Variants in TENM2 observed in about 807,000 individuals in gnomAD.
TENM2 encodes the protein teneurin-2.
TENM2 carries 52 observed loss-of-function variants against 245.2 expected under a neutral mutation model. That is an observed-to-expected ratio of 0.21 (90% CI 0.17 to 0.27). The LOEUF (loss-of-function observed/expected upper bound fraction) is 0.27, where lower values mean the gene tolerates loss of function less well. TENM2 is among the 10% of genes least tolerant of loss of function. TENM2 has a pLI of 1.00. For missense variants in TENM2, 3,046 were observed against 3,666.8 expected (o/e 0.83, Z 4.37); for synonymous variants, 1,363 against 1,438.9 (o/e 0.95, Z 1.19).
intron 4 of TENM2, among the ~76,000 whole-genome samples, chr5:167,986,500 C>T (rs1320326892): frequency 1.3e-5 from 2 of 152,050 alleles, no homozygotes; most frequent in African/African-American, 2.4e-5. Flanking sequence ...GTGAGCTCCT[C>T]TTTTATTTTT....
intron 6 of TENM2, among the ~76,000 whole-genome samples, chr5:168,049,093 T>C (rs1341283482): frequency 6.6e-6 from 1 of 152,218 alleles, no homozygotes; most frequent in Non-Finnish European, 1.5e-5. Flanking sequence ...ATAGCATTTT[T>C]GCACCCCTAG....
chr5:168,204,725 T>C (rs1462553792), intron 19 of TENM2, 104 bp downstream of exon 21: 6 of 1,433,382 alleles, frequency 4.2e-6, no homozygotes, highest in Admixed American at 2.1e-5. Flanking sequence ...AGAGAAGATA[T>C]AGTCCTTGTG....
intron 3 of TENM2, among the ~76,000 whole-genome samples, chr5:167,927,255 T>C (rs1309678133): frequency 1.3e-5 from 2 of 152,184 alleles, no homozygotes; most frequent in Non-Finnish European, 2.9e-5. Context: ...AAGTCAAAAA[T>C]CTCTATGCCA....
intron 2 of TENM2, among the ~76,000 whole-genome samples, chr5:167,546,545 A>G (rs1014684093): frequency 6.6e-6 from 1 of 152,218 alleles, no homozygotes; most frequent in Non-Finnish European, 1.5e-5. Context: ...TGAACTGAAC[A>G]TTAAAGTGAC....
exon 29 of TENM2, chr5:168,262,982 A>G (rs1335687078): frequency 3.3e-6 from 2 of 608,300 alleles, no homozygotes; most frequent in Non-Finnish European, 5.6e-6. Flanking sequence ...CCAAGCGAGA[A>G]GTCCCTCATC....
the TENM2 span, among the ~76,000 whole-genome samples, chr5:167,184,517 G>A: frequency 6.6e-6 from 1 of 152,134 alleles, no homozygotes; most frequent in East Asian, 1.9e-4. Flanking sequence ...TCAATATCAT[G>A]TCAGAGCACT....
rs28625454 is a variant in TENM2, at chr5:168,199,539, G to A, written c.3163-325G>A. On this transcript the variant is annotated intron_variant, in intron 16 of 28. Coordinates refer to ENST00000518659, the Ensembl canonical transcript of TENM2. ...TAGGTTCGTATAATTACAGCCTCTCGTGGCCTCCTTGCATGCAGCTAGCAA... is the reference window on the plus strand; with the variant it reads ...TAGGTTCGTATAATTACAGCCTCTCATGGCCTCCTTGCATGCAGCTAGCAA... Among the ~76,000 whole-genome samples the A allele has an allele frequency of 1.8e-3, 277 of 152,276 alleles. 3 individuals carry two copies. Among genetic ancestry groups the A allele is most frequent in the African/African-American group, 6.5e-3 (270 of 41,562 alleles).
the TENM2 span, among the ~76,000 whole-genome samples, chr5:167,180,832 G>C: frequency 2.6e-5 from 4 of 151,956 alleles, no homozygotes; most frequent in African/African-American, 9.7e-5. Flanking sequence ...AAGCCTAGGA[G>C]GGGGAGAAAG....
chr5:167,391,622 C>CAAAA (rs56202184), intron 2 of TENM2, among the ~76,000 whole-genome samples: 34 of 53,442 alleles, frequency 6.4e-4, no homozygotes, highest in Non-Finnish European at 1.1e-3. Flanking sequence ...AAGACTTCAT[C>CAAAA]AAAAAAAAAA....
intron 2 of TENM2, among the ~76,000 whole-genome samples, chr5:167,624,105 A>G (rs572581448): frequency 1.3e-5 from 2 of 152,312 alleles, no homozygotes; most frequent in South Asian, 4.1e-4. Flanking sequence ...CATTCTACCA[A>G]TAAGAATACC....
At chr5:167,416,076 C>G (rs1195957685) in intron 2 of TENM2, among the ~76,000 whole-genome samples, 1 of 152,110 alleles carries the variant, frequency 6.6e-6, no homozygotes, top group Non-Finnish European at 1.5e-5. Flanking sequence ...TTTGCTCCTG[C>G]TTTTGACATA....
chr5:167,898,021 A>T (rs572780889), intron 3 of TENM2, among the ~76,000 whole-genome samples: 2 of 151,658 alleles, frequency 1.3e-5, no homozygotes. Flanking sequence ...CACAGAAGAC[A>T]TGACTTCCCC....
chr5:167,339,749 C>T (rs2127809998), intron 1 of TENM2, among the ~76,000 whole-genome samples: 1 of 152,096 alleles, frequency 6.6e-6, no homozygotes, highest in East Asian at 1.9e-4. Context: ...TGCTTACCCT[C>T]ATGAATGAAT....
chr5:168,232,650 A>G (rs1303095883), intron 25 of TENM2, among the ~76,000 whole-genome samples: 2 of 152,182 alleles, frequency 1.3e-5, no homozygotes, highest in Non-Finnish European at 2.9e-5. Context: ...GGCTCTGAAC[A>G]TTCCTGGAGT....
At chr5:167,345,728 G>C (rs1758412201) in intron 1 of TENM2, among the ~76,000 whole-genome samples, 1 of 151,956 alleles carries the variant, frequency 6.6e-6, no homozygotes, top group African/African-American at 2.4e-5. Context: ...ACTATATTTG[G>C]ACAAACCAAA....
At chr5:167,396,913 G>A in intron 2 of TENM2, among the ~76,000 whole-genome samples, 1 of 152,100 alleles carries the variant, frequency 6.6e-6, no homozygotes, top group Non-Finnish European at 1.5e-5. Context: ...TGATGGATGG[G>A]GTTAGAAGAA....
chr5:167,338,681 A>T (rs997700307), intron 1 of TENM2, among the ~76,000 whole-genome samples: 2 of 152,116 alleles, frequency 1.3e-5, no homozygotes, highest in Non-Finnish European at 2.9e-5. Context: ...CTTGCTTGCT[A>T]TGTATTAGTT....
chr5:167,001,423 T>C, the TENM2 span, among the ~76,000 whole-genome samples: 1 of 152,252 alleles, frequency 6.6e-6, no homozygotes, highest in African/African-American at 2.4e-5. Flanking sequence ...TTCTTTATTT[T>C]ACAGATCAGT....
chr5:167,436,588 G>C (rs1764567344), intron 2 of TENM2, among the ~76,000 whole-genome samples: 1 of 152,142 alleles, frequency 6.6e-6, no homozygotes, highest in Non-Finnish European at 1.5e-5. Flanking sequence ...AATCTCCAAG[G>C]CAACGGGGAA....
Sources: gnomAD v4.1 joint callset for allele counts (sites outside exome capture counted in the v4.1 genomes callset) on GRCh38, gnomAD v4.1.1 for gene constraint, MANE v1.5 for transcripts, NCBI Gene and HGNC (gene_info 2026-07-23, HGNC 2026-07-21) for gene names.